ELF2: variants seen among roughly 807,000 people sequenced by gnomAD.
ELF2 encodes E74 like ETS transcription factor 2.
ELF2 carries 11 observed loss-of-function variants against 54.8 expected under a neutral mutation model. The observed-to-expected ratio is 0.20, with a 90% CI of 0.13 to 0.33. The LOEUF (loss-of-function observed/expected upper bound fraction) is 0.33. Ranked by LOEUF, ELF2 falls within the 10% of genes least tolerant of loss-of-function variation. The pLI, the probability that ELF2 is intolerant of heterozygous loss-of-function variation, is 1.00. For missense variants in ELF2, 513 were observed against 703.0 expected, an observed-to-expected ratio of 0.73 and a Z score of 3.06; for synonymous variants, 203 against 245.1, an observed-to-expected ratio of 0.83 and a Z score of 1.61.
chr4:139,130,779 T>C (rs999827922), intron 3 of ELF2, among the ~76,000 whole-genome samples: 2 of 152,232 alleles, frequency 1.3e-5, no homozygotes, highest in African/African-American at 4.8e-5. Context: ...CAGATATTTG[T>C]AGCTTGGCTC....
chr4:139,123,952 C>G (rs1736648758), intron 4 of ELF2, among the ~76,000 whole-genome samples: 1 of 152,198 alleles, frequency 6.6e-6, no homozygotes, highest in Non-Finnish European at 1.5e-5. Flanking sequence ...ATTCTCCAAA[C>G]TCTCATAAAA....
At chr4:139,070,299 T>G (rs1231855493) in intron 6 of ELF2, among the ~76,000 whole-genome samples, 1 of 150,812 alleles carries the variant, frequency 6.6e-6, no homozygotes, top group Non-Finnish European at 1.5e-5. Context: ...AATGTGGTGT[T>G]TTTTTTTTTG....
intron 4 of ELF2, among the ~76,000 whole-genome samples, chr4:139,080,304 A>G (rs1440910137): frequency 6.6e-6 from 1 of 152,234 alleles, no homozygotes; most frequent in Non-Finnish European, 1.5e-5. Flanking sequence ...CTTTTTAAAA[A>G]GAAAACTAGT....
chr4:139,144,945 C>A (rs1376471947), intron 1 of ELF2, among the ~76,000 whole-genome samples: 1 of 152,160 alleles, frequency 6.6e-6, no homozygotes, highest in Non-Finnish European at 1.5e-5. Flanking sequence ...CTTTGGGGAG[C>A]CCTATGGCCT....
intron 4 of ELF2, among the ~76,000 whole-genome samples, chr4:139,075,483 T>G (rs1386334704): frequency 6.6e-6 from 1 of 152,180 alleles, no homozygotes; most frequent in Non-Finnish European, 1.5e-5. Flanking sequence ...CAGGCTGGAG[T>G]GCAGTGGCAT....
At chr4:139,084,227 C>CT in intron 4 of ELF2, 1 of 1,612,050 alleles carries the variant, frequency 6.2e-7, no homozygotes, top group Admixed American at 1.7e-5. Flanking sequence ...TTCACATTGA[C>CT]TTACACCGTG....
At chr4:139,128,119 A>T (rs1737116146) in intron 3 of ELF2, among the ~76,000 whole-genome samples, 1 of 151,976 alleles carries the variant, frequency 6.6e-6, no homozygotes, top group Admixed American at 6.6e-5. Flanking sequence ...AAAATAAAAA[A>T]TAAATATCAG....
chr4:139,166,712 C>CA (rs1398507878), intron 1 of ELF2, among the ~76,000 whole-genome samples: 2 of 151,780 alleles, frequency 1.3e-5, no homozygotes, highest in Non-Finnish European at 2.9e-5. Context: ...ACTAAAAATA[C>CA]AAAAAATTAG....
intron 4 of ELF2, among the ~76,000 whole-genome samples, chr4:139,107,007 A>G (rs1734485818): frequency 6.6e-6 from 1 of 152,050 alleles, no homozygotes; most frequent in Non-Finnish European, 1.5e-5. Context: ...CGGCCTCCCA[A>G]AGTGCTGGGA....
At chr4:139,132,620 A>G (rs1737610271) in intron 3 of ELF2, among the ~76,000 whole-genome samples, 1 of 151,818 alleles carries the variant, frequency 6.6e-6, no homozygotes, top group Non-Finnish European at 1.5e-5. Context: ...TCAATACTTC[A>G]TCTCCCTTCA....
At chr4:139,165,140 T>C (rs1212139337) in intron 1 of ELF2, among the ~76,000 whole-genome samples, 3 of 152,190 alleles carry the variant, frequency 2.0e-5, no homozygotes, top group African/African-American at 7.2e-5. Flanking sequence ...CTGTCTTTAT[T>C]AGGGTTTTTG....
intron 6 of ELF2, among the ~76,000 whole-genome samples, chr4:139,068,998 T>C (rs1729135080): frequency 6.6e-6 from 1 of 151,994 alleles, no homozygotes; most frequent in Non-Finnish European, 1.5e-5. Context: ...GCCCCCTAAG[T>C]AGCTGGGACT....
chr4:139,120,342 C>A (rs1226040213), intron 4 of ELF2, among the ~76,000 whole-genome samples: 1 of 152,162 alleles, frequency 6.6e-6, no homozygotes, highest in Non-Finnish European at 1.5e-5. Context: ...TTTAATATTT[C>A]TCAAGCCATC....
intron 4 of ELF2, among the ~76,000 whole-genome samples, chr4:139,080,475 TAATAA>T (rs1730952532): frequency 6.6e-6 from 1 of 152,194 alleles, no homozygotes; most frequent in South Asian, 2.1e-4. Flanking sequence ...TAATGAACTT[TAATAA>T]AATAGATTTG....
intron 8 of ELF2, 43 bp from the exon 9 acceptor site, chr4:139,060,717 C>A (rs778389845): frequency 2.0e-6 from 3 of 1,498,504 alleles, no homozygotes; most frequent in South Asian, 2.6e-5. Flanking sequence ...TATATTATTT[C>A]TTCACCCCAC....
At chr4:139,115,039 G>A (rs879053437) in intron 4 of ELF2, 5 of 1,613,878 alleles carry the variant, frequency 3.1e-6, no homozygotes, top group East Asian at 4.5e-5. Context: ...CTCCTTGACC[G>A]TGGCAGCCCG....
chr4:139,081,370 C>G (rs1731090109), intron 4 of ELF2, among the ~76,000 whole-genome samples: 1 of 152,056 alleles, frequency 6.6e-6, no homozygotes, highest in African/African-American at 2.4e-5. Flanking sequence ...TAACATGTAC[C>G]TTAACATGTA....
intron 1 of ELF2, among the ~76,000 whole-genome samples, chr4:139,163,838 C>T (rs538535341): frequency 4.6e-5 from 7 of 151,646 alleles, no homozygotes; most frequent in Admixed American, 3.3e-4. Context: ...CACTTGAGCC[C>T]GCCAAGTTAA....
intron 7 of ELF2, among the ~76,000 whole-genome samples, chr4:139,064,650 C>T (rs1333656166): frequency 2.6e-5 from 4 of 152,134 alleles, no homozygotes; most frequent in South Asian, 4.1e-4. Flanking sequence ...GAGGCCGTGG[C>T]GGGCGGATCA....
Sources: gnomAD v4.1 joint callset for allele counts (sites outside exome capture counted in the v4.1 genomes callset) on GRCh38, gnomAD v4.1.1 for gene constraint, MANE v1.5 for transcripts, NCBI Gene and HGNC (gene_info 2026-07-23, HGNC 2026-07-21) for gene names.